Variants in TMEFF2 observed in about 807,000 individuals in gnomAD.
TMEFF2 encodes transmembrane protein with EGF like and two follistatin like domains 2, also known as tomoregulin-2.
In TMEFF2, 28 loss-of-function variants were observed where a neutral mutation model predicts 53.8. The ratio of observed to expected loss-of-function variants is 0.52; its 90% confidence interval spans 0.39 to 0.71. The LOEUF is 0.71. Among genes scored for constraint, TMEFF2 ranks in the 30% least tolerant of loss-of-function variants. The pLI, the probability that TMEFF2 is intolerant of heterozygous loss-of-function variation, is 0.00. For missense variants in TMEFF2, 353 were observed against 455.2 expected (o/e 0.78, Z 2.04); for synonymous variants, 162 against 166.3 (o/e 0.97, Z 0.20).
intron 4 of TMEFF2, among the ~76,000 whole-genome samples, chr2:192,075,325 A>ATT: frequency 1.0e-5 from 1 of 97,852 alleles, no homozygotes; most frequent in African/African-American, 3.8e-5. Context: ...ATATATATAT[A>ATT]TATATATACA....
chr2:191,961,156 T>C (rs539443215), intron 7 of TMEFF2, among the ~76,000 whole-genome samples: 45 of 152,330 alleles, frequency 3.0e-4, no homozygotes, highest in Middle Eastern at 3.4e-3. Flanking sequence ...ATAAAATATC[T>C]TAAATTTTGA....
chr2:192,071,592 A>C (rs764882903), intron 4 of TMEFF2, among the ~76,000 whole-genome samples: 7 of 151,700 alleles, frequency 4.6e-5, no homozygotes, highest in Non-Finnish European at 7.4e-5. Context: ...AGTTCCAGGA[A>C]CTCCTGTGGA....
intron 5 of TMEFF2, among the ~76,000 whole-genome samples, chr2:192,020,037 G>C (rs1054005743): frequency 1.3e-5 from 2 of 152,024 alleles, no homozygotes; most frequent in Non-Finnish European, 2.9e-5. Context: ...GCACAACCAA[G>C]ATGTTCTGCC....
At chr2:192,135,182 C>T (rs530697768) in intron 4 of TMEFF2, among the ~76,000 whole-genome samples, 42 of 152,222 alleles carry the variant, frequency 2.8e-4, no homozygotes, top group Non-Finnish European at 5.4e-4. Context: ...ATATGCCCTG[C>T]TCTTGTTTAC....
chr2:192,011,821 TGTCA>T (rs1392838552), intron 5 of TMEFF2, among the ~76,000 whole-genome samples: 1 of 152,188 alleles, frequency 6.6e-6, no homozygotes, highest in African/African-American at 2.4e-5. Context: ...TTTTATACAT[TGTCA>T]GTCTTCTATT....
In TMEFF2 at chr2:191,994,584, T is replaced by G. The variant is rs147575478; in HGVS notation, c.745+3678A>C. 6.3e-3 allele frequency among the ~76,000 whole-genome samples: 957 copies of G among 151,210 alleles called. 8 individuals are homozygous for G. The highest frequency in any genetic ancestry group is 0.022 in the African/African-American group (892 of 40,816). On this transcript the variant is annotated intron_variant, in intron 7 of 9. Coordinates refer to ENST00000272771, the MANE Select transcript of TMEFF2 (RefSeq NM_016192.4). ...CATGAGGGACACACACACACACATA[T>G]ATACACATATATATGAAAGAAAATG...
At chr2:192,043,032 T>C (rs1402774334) in intron 5 of TMEFF2, among the ~76,000 whole-genome samples, 2 of 152,108 alleles carry the variant, frequency 1.3e-5, no homozygotes, top group Admixed American at 6.5e-5. Context: ...ATTGGAGTAA[T>C]TGGGTCTCAG....
At chr2:192,000,147 T>G (rs558515576) in intron 5 of TMEFF2, among the ~76,000 whole-genome samples, 42 of 152,262 alleles carry the variant, frequency 2.8e-4, no homozygotes, top group Admixed American at 9.2e-4. Flanking sequence ...TTCTGGTGTA[T>G]GTGTACAACC....
At chr2:192,011,495 G>A (rs1295615857) in intron 5 of TMEFF2, among the ~76,000 whole-genome samples, 2 of 152,216 alleles carry the variant, frequency 1.3e-5, no homozygotes, top group Non-Finnish European at 1.5e-5. Context: ...AAGCCTGAGT[G>A]TACAAAATGG....
intron 5 of TMEFF2, among the ~76,000 whole-genome samples, chr2:192,008,197 A>C (rs1686545816): frequency 6.6e-6 from 1 of 152,220 alleles, no homozygotes; most frequent in African/African-American, 2.4e-5. Context: ...GCCTGGTTCC[A>C]GGGTTGATTT....
intron 1 of TMEFF2, among the ~76,000 whole-genome samples, chr2:192,192,545 G>A (rs1406995426): frequency 6.6e-6 from 1 of 152,148 alleles, no homozygotes; most frequent in East Asian, 1.9e-4. Flanking sequence ...CTCAAATGAA[G>A]ATTGATCACC....
intron 5 of TMEFF2, among the ~76,000 whole-genome samples, chr2:192,047,936 T>TTAA (rs1404414196): frequency 2.6e-5 from 4 of 152,190 alleles, no homozygotes; most frequent in Non-Finnish European, 4.4e-5. Flanking sequence ...TCTACCCGAT[T>TTAA]TAATACACCT....
chr2:192,048,624 C>A (rs765204083), intron 5 of TMEFF2, among the ~76,000 whole-genome samples: 1 of 152,102 alleles, frequency 6.6e-6, no homozygotes, highest in African/African-American at 2.4e-5. Context: ...TACAGCAGGG[C>A]ATTTAATCTA....
intron 7 of TMEFF2, among the ~76,000 whole-genome samples, chr2:191,956,984 T>A (rs1692122305): frequency 6.6e-6 from 1 of 152,226 alleles, no homozygotes; most frequent in South Asian, 2.1e-4. Flanking sequence ...TCAAAATCAC[T>A]TATGTAGATA....
chr2:192,019,770 C>T (rs567428808), intron 5 of TMEFF2, among the ~76,000 whole-genome samples: 20 of 151,502 alleles, frequency 1.3e-4, no homozygotes, highest in African/African-American at 4.1e-4. Context: ...ATAGGACAGG[C>T]GCGGTTAATC....
At chr2:191,975,215 C>A (rs1200101967) in intron 7 of TMEFF2, among the ~76,000 whole-genome samples, 1 of 145,596 alleles carries the variant, frequency 6.9e-6, no homozygotes, top group African/African-American at 2.5e-5. Flanking sequence ...GTAGAGATAA[C>A]TCTAATAATT....
intron 4 of TMEFF2, among the ~76,000 whole-genome samples, chr2:192,148,821 C>G (rs967487709): frequency 3.3e-5 from 5 of 152,002 alleles, no homozygotes; most frequent in African/African-American, 9.7e-5. Context: ...TTTGGCATAA[C>G]TAGTTGTTAC....
chr2:191,975,434 A>T (rs1259256938), intron 7 of TMEFF2, among the ~76,000 whole-genome samples: 1 of 151,056 alleles, frequency 6.6e-6, no homozygotes, highest in African/African-American at 2.4e-5. Flanking sequence ...CCAAACTCAA[A>T]TATCTACAAA....
intron 5 of TMEFF2, among the ~76,000 whole-genome samples, chr2:192,051,944 C>T (rs1410911452): frequency 1.3e-5 from 2 of 152,178 alleles, no homozygotes; most frequent in East Asian, 3.8e-4. Flanking sequence ...TTTGCAACAA[C>T]TTTGCTTCTT....
Sources: gnomAD v4.1 joint callset for allele counts (sites outside exome capture counted in the v4.1 genomes callset) on GRCh38, gnomAD v4.1.1 for gene constraint, MANE v1.5 for transcripts, NCBI Gene and HGNC (gene_info 2026-07-23, HGNC 2026-07-21) for gene names.